The following OSBPL10 variants were observed in gnomAD, a reference collection of about 807,000 sequenced individuals.
OSBPL10 encodes the protein oxysterol binding protein like 10, also known as oxysterol-binding protein-related protein 10.
Under a neutral mutation model 81.7 loss-of-function variants are expected in OSBPL10, and 49 were observed. That is an observed-to-expected ratio of 0.60 (90% CI 0.48 to 0.76). OSBPL10 has a LOEUF of 0.76. Among genes scored for constraint, OSBPL10 ranks in the 30% least tolerant of loss-of-function variants. OSBPL10 has a pLI of 0.00. For synonymous variants in OSBPL10, 419 were observed against 383.6 expected, an observed-to-expected ratio of 1.09 and a Z score of -1.08; for missense variants, 923 against 987.8, an observed-to-expected ratio of 0.93 and a Z score of 0.88.
intron 2 of OSBPL10, among the ~76,000 whole-genome samples, chr3:32,041,878 T>G (rs1699579599): frequency 6.6e-6 from 1 of 152,178 alleles, no homozygotes; most frequent in African/African-American, 2.4e-5. Context: ...CAGGCTGGTC[T>G]CGAACTCCTG....
At chr3:31,760,879 C>T (rs560349827) in intron 4 of OSBPL10, among the ~76,000 whole-genome samples, 7 of 152,136 alleles carry the variant, frequency 4.6e-5, no homozygotes, top group South Asian at 2.1e-4. Flanking sequence ...TTCTCTATGA[C>T]GGATTACGGT....
intron 2 of OSBPL10, among the ~76,000 whole-genome samples, chr3:32,001,482 C>T (rs899709408): frequency 2.6e-5 from 4 of 152,042 alleles, no homozygotes; most frequent in East Asian, 1.9e-4. Context: ...TCCTGACTCT[C>T]GTGCAAATGT....
intron 1 of OSBPL10, among the ~76,000 whole-genome samples, chr3:32,054,198 C>A (rs960772060): frequency 2.6e-5 from 4 of 152,080 alleles, no homozygotes; most frequent in African/African-American, 9.7e-5. Context: ...GTGCTTAAAT[C>A]TTTGATATTT....
At chr3:31,720,206 T>C (rs986221460) in intron 6 of OSBPL10, among the ~76,000 whole-genome samples, 21 of 134,178 alleles carry the variant, frequency 1.6e-4, no homozygotes, top group Non-Finnish European at 3.3e-4. Flanking sequence ...ACTGTATTTT[T>C]TAATGCAATA....
chr3:31,879,495 C>G, intron 2 of OSBPL10, 160 bp downstream of exon 2: 1 of 675,728 alleles, frequency 1.5e-6, no homozygotes, highest in Non-Finnish European at 2.4e-6. Flanking sequence ...CTCCATCTCC[C>G]CACCCCAGGG....
At chr3:31,826,921 C>T (rs755144874) in intron 4 of OSBPL10, among the ~76,000 whole-genome samples, 11 of 152,160 alleles carry the variant, frequency 7.2e-5, no homozygotes, top group Non-Finnish European at 1.5e-4. Context: ...CCCTAAAATT[C>T]TCTCCATTAC....
At chr3:31,973,958 T>G (rs908638683) in intron 1 of OSBPL10, among the ~76,000 whole-genome samples, 4 of 152,218 alleles carry the variant, frequency 2.6e-5, no homozygotes, top group Non-Finnish European at 1.5e-5. Context: ...ATAAACAAAC[T>G]GTGGTATATC....
intron 1 of OSBPL10, among the ~76,000 whole-genome samples, chr3:31,904,656 T>A (rs1365529610): frequency 6.6e-6 from 1 of 152,162 alleles, no homozygotes; most frequent in African/African-American, 2.4e-5. Flanking sequence ...AGGGTGACTC[T>A]GGGGCCACAC....
chr3:31,866,026 T>C (rs1701169860), intron 3 of OSBPL10, among the ~76,000 whole-genome samples: 1 of 152,176 alleles, frequency 6.6e-6, no homozygotes, highest in African/African-American at 2.4e-5. Context: ...TCCCGTTGTG[T>C]TGCATCCTAA....
At chr3:31,689,684 T>C (rs1397724671) in intron 7 of OSBPL10, among the ~76,000 whole-genome samples, 1 of 152,178 alleles carries the variant, frequency 6.6e-6, no homozygotes, top group Non-Finnish European at 1.5e-5. Context: ...TCATGAGAGC[T>C]GATGGTTTTA....
intron 2 of OSBPL10, among the ~76,000 whole-genome samples, chr3:32,021,845 G>A (rs1348114213): frequency 6.6e-6 from 1 of 151,992 alleles, no homozygotes; most frequent in Non-Finnish European, 1.5e-5. Flanking sequence ...TGGGCATGGT[G>A]GTGCATGACT....
At chr3:31,717,408 C>A (rs1236029444) in intron 6 of OSBPL10, among the ~76,000 whole-genome samples, 1 of 152,130 alleles carries the variant, frequency 6.6e-6, no homozygotes, top group East Asian at 1.9e-4. Context: ...TTAAAGACAA[C>A]TCTGGTATAC....
intron 4 of OSBPL10, among the ~76,000 whole-genome samples, chr3:31,823,370 A>AG (rs1700025807): frequency 6.6e-6 from 1 of 152,218 alleles, no homozygotes. Flanking sequence ...CCTTTCACAT[A>AG]GGTATCTGTG....
At chr3:31,733,171 G>C in intron 6 of OSBPL10, 86 bp downstream of exon 6, 1 of 1,538,886 alleles carries the variant, frequency 6.5e-7, no homozygotes, top group Non-Finnish European at 8.8e-7. Context: ...AAAACAAAGA[G>C]ATGAGCAAGT....
At chr3:31,987,629 G>T (rs1698951978) in intron 2 of OSBPL10, among the ~76,000 whole-genome samples, 1 of 152,156 alleles carries the variant, frequency 6.6e-6, no homozygotes, top group Non-Finnish European at 1.5e-5. Flanking sequence ...CTAATCCACA[G>T]GGTCTCTCAT....
chr3:31,998,189 T>A (rs1699110174), intron 2 of OSBPL10, among the ~76,000 whole-genome samples: 1 of 152,198 alleles, frequency 6.6e-6, no homozygotes, highest in African/African-American at 2.4e-5. Context: ...ACTTAGTAAA[T>A]GGTAAAGTAC....
intron 2 of OSBPL10, among the ~76,000 whole-genome samples, chr3:32,019,153 T>TA (rs1246618325): frequency 6.6e-6 from 1 of 152,224 alleles, no homozygotes; most frequent in Non-Finnish European, 1.5e-5. Context: ...TCCCTTGAAT[T>TA]AATTTCCACA....
At chr3:31,990,848 G>A (rs1699019484) in intron 2 of OSBPL10, 3 of 1,584,084 alleles carry the variant, frequency 1.9e-6, no homozygotes, top group South Asian at 1.1e-5. Flanking sequence ...ATTCATATGG[G>A]AGAGAAACAT....
intron 5 of OSBPL10, among the ~76,000 whole-genome samples, chr3:31,739,793 T>C (rs1697285193): frequency 1.3e-5 from 2 of 152,246 alleles, no homozygotes; most frequent in South Asian, 4.1e-4. Flanking sequence ...CAGTGTTTTA[T>C]AATACTGTAG....
Sources: allele counts gnomAD v4.1 joint callset (sites outside exome capture counted in the v4.1 genomes callset), GRCh38; gene constraint gnomAD v4.1.1; transcripts MANE v1.5; gene names NCBI Gene and HGNC (gene_info 2026-07-23, HGNC 2026-07-21).